Variants in DAPP1 observed in about 807,000 individuals in gnomAD.
DAPP1 encodes dual adaptor of phosphotyrosine and 3-phosphoinositides 1.
DAPP1 carries 20 observed loss-of-function variants against 41.5 expected under a neutral mutation model. The observed-to-expected ratio is 0.48, with a 90% CI of 0.34 to 0.70. The LOEUF (loss-of-function observed/expected upper bound fraction) is 0.70. DAPP1 is among the 30% of genes least tolerant of loss of function. DAPP1 has a pLI of 0.01. For missense variants in DAPP1, 233 were observed against 333.4 expected (o/e 0.70, Z 2.35); for synonymous variants, 113 against 116.2 (o/e 0.97, Z 0.18).
At chr4:99,826,000 C>G (rs1722924092) in intron 1 of DAPP1, among the ~76,000 whole-genome samples, 1 of 152,222 alleles carries the variant, frequency 6.6e-6, no homozygotes, top group African/African-American at 2.4e-5. Flanking sequence ...ATCAAAGTAT[C>G]TAGCACCGAC....
chr4:99,847,916 C>A (rs558777559), intron 3 of DAPP1, among the ~76,000 whole-genome samples: 1 of 150,978 alleles, frequency 6.6e-6, no homozygotes. Flanking sequence ...CTGGTTCAAG[C>A]GATTCTCCTG....
chr4:99,857,177 T>C (rs1052496858), intron 4 of DAPP1, among the ~76,000 whole-genome samples: 1 of 152,208 alleles, frequency 6.6e-6, no homozygotes, highest in Non-Finnish European at 1.5e-5. Flanking sequence ...AACATGAGAA[T>C]TCTTTACCTT....
chr4:99,853,431 G>T, intron 4 of DAPP1, 83 bp downstream of exon 4: 1 of 1,492,030 alleles, frequency 6.7e-7, no homozygotes, highest in Non-Finnish European at 9.0e-7. Context: ...GAGTGTATTT[G>T]TTCACATAAA....
Position 99,848,163 on chromosome 4 carries a change from T to A in DAPP1, c.359-5055T>A, listed in dbSNP as rs1723732701. ...AGAAACCAGCTCTGGCTAGCTGGGT[T>A]TTTTTGGTCTTGTTTTTGATTTTGT... On this transcript the variant is annotated intron_variant, in intron 3 of 8. Transcript: ENST00000512369. Among the ~76,000 whole-genome samples the A allele has an allele frequency of 2.0e-5, 3 of 151,250 alleles. No individual in the cohort carries two copies. In the South Asian group the frequency reaches 6.3e-4, roughly 32 times the overall value.
In DAPP1 at chr4:99,863,750, T is replaced by A. The variant is rs1488787287; in HGVS notation, c.601-20T>A. Reference sequence around the variant, plus strand: ...TTTTTTTTTTTAATGGTGACATACGTTGCTTTTTATTTTATTTAGTCACCA... The same window carrying A: ...TTTTTTTTTTTAATGGTGACATACGATGCTTTTTATTTTATTTAGTCACCA... On this transcript the variant is annotated intron_variant, in intron 6 of 8. Coordinates refer to ENST00000512369, the MANE Select transcript of DAPP1 (RefSeq NM_014395.3). The A allele has an allele frequency of 2.1e-6, 3 of 1,446,012 alleles. No individual in the cohort carries two copies. Among genetic ancestry groups the A allele is most frequent in the Non-Finnish European group, 2.8e-6 (3 of 1,061,536 alleles). 89.6% of individuals were successfully genotyped at this position (1,446,012 alleles called of 1,614,324 possible).
chr4:99,861,789 A>T (rs1363436977), intron 5 of DAPP1, among the ~76,000 whole-genome samples, 164 bp downstream of exon 5: 1 of 152,220 alleles, frequency 6.6e-6, no homozygotes, highest in African/African-American at 2.4e-5. Context: ...ATGGCTCATT[A>T]GTCAAAATTC....
intron 8 of DAPP1, chr4:99,866,660 C>G (rs1057430547): frequency 2.6e-6 from 2 of 757,822 alleles, no homozygotes; most frequent in Admixed American, 3.5e-5. Context: ...ACTTGTTTTT[C>G]ATGTGCTTGC....
intron 1 of DAPP1, among the ~76,000 whole-genome samples, chr4:99,821,990 G>T (rs1463674730): frequency 6.6e-6 from 1 of 152,176 alleles, no homozygotes; most frequent in Non-Finnish European, 1.5e-5. Flanking sequence ...GTTTACAGCG[G>T]TGTGACACTA....
intron 4 of DAPP1, among the ~76,000 whole-genome samples, chr4:99,854,590 G>C (rs780279248): frequency 6.6e-6 from 1 of 152,024 alleles, no homozygotes; most frequent in Non-Finnish European, 1.5e-5. Flanking sequence ...CCTGGACCCT[G>C]CTTGCCTCTC....
intron 2 of DAPP1, among the ~76,000 whole-genome samples, chr4:99,836,694 C>A (rs1252542410): frequency 2.0e-5 from 3 of 152,228 alleles, no homozygotes; most frequent in Non-Finnish European, 4.4e-5. Flanking sequence ...AACTCAGTAG[C>A]AGCATTCACA....
intron 1 of DAPP1, among the ~76,000 whole-genome samples, chr4:99,826,425 A>G (rs1722939713): frequency 6.6e-6 from 1 of 152,238 alleles, no homozygotes; most frequent in African/African-American, 2.4e-5. Flanking sequence ...TTGCGTTGAA[A>G]TATATGTCCT....
At chr4:99,817,145 T>C (rs1318355582) in intron 1 of DAPP1, 131 bp downstream of exon 1, 4 of 594,852 alleles carry the variant, frequency 6.7e-6, no homozygotes, top group Non-Finnish European at 1.2e-5. Flanking sequence ...TTTATTTTTT[T>C]CCACTTTATT....
intron 3 of DAPP1, among the ~76,000 whole-genome samples, chr4:99,847,282 C>G (rs1723696898): frequency 6.6e-6 from 1 of 152,208 alleles, no homozygotes; most frequent in Non-Finnish European, 1.5e-5. Flanking sequence ...CACTCTATTT[C>G]AGATACCAAA....
intron 4 of DAPP1, among the ~76,000 whole-genome samples, chr4:99,854,860 T>C (rs919697337): frequency 6.6e-6 from 1 of 152,192 alleles, no homozygotes; most frequent in Non-Finnish European, 1.5e-5. Flanking sequence ...GTGGGCTAAT[T>C]ACCTTCACAT....
In DAPP1 at chr4:99,817,189, G is replaced by A. The variant is rs139415045; in HGVS notation, c.101+175G>A. Among the ~76,000 whole-genome samples, 312 of 152,172 alleles carry A rather than the reference G, an allele frequency of 2.1e-3. 1 individual carries two copies. The highest frequency in any genetic ancestry group is 7.1e-3 in the African/African-American group (293 of 41,500). On this transcript the variant is annotated intron_variant, in intron 1 of 8. Transcript: ENST00000512369. Reference sequence around the variant, plus strand: ...TCTGTTAAGTATCTTCTTGTCTGGGGCTAATTCCATTGGAAAAGCAGGCAT... The same window carrying A: ...TCTGTTAAGTATCTTCTTGTCTGGGACTAATTCCATTGGAAAAGCAGGCAT...
chr4:99,858,279 C>T (rs1469415027), intron 4 of DAPP1, among the ~76,000 whole-genome samples: 3 of 152,204 alleles, frequency 2.0e-5, no homozygotes, highest in Non-Finnish European at 2.9e-5. Flanking sequence ...TCCTTAATTT[C>T]GTGACTTTGA....
At chr4:99,820,073 C>T (rs1361651113) in intron 1 of DAPP1, among the ~76,000 whole-genome samples, 1 of 151,860 alleles carries the variant, frequency 6.6e-6, no homozygotes, top group Admixed American at 6.6e-5. Flanking sequence ...GAAATAAAAC[C>T]ATCTTAAATT....
chr4:99,823,925 C>T (rs1578342452), intron 1 of DAPP1, among the ~76,000 whole-genome samples: 1 of 152,164 alleles, frequency 6.6e-6, no homozygotes, highest in Non-Finnish European at 1.5e-5. Context: ...AAAACTAGTT[C>T]TGCTTTTGTG....
intron 4 of DAPP1, among the ~76,000 whole-genome samples, chr4:99,854,736 C>T (rs866123540): frequency 1.3e-5 from 2 of 152,232 alleles, no homozygotes; most frequent in African/African-American, 4.8e-5. Context: ...ACTGGTATCA[C>T]GGATCATTAT....
Sources: allele counts gnomAD v4.1 joint callset (sites outside exome capture counted in the v4.1 genomes callset), GRCh38; gene constraint gnomAD v4.1.1; transcripts MANE v1.5; gene names NCBI Gene and HGNC (gene_info 2026-07-23, HGNC 2026-07-21).